MAP3K5: variants seen among roughly 807,000 people sequenced by gnomAD.
MAP3K5 encodes ASK-1.
A neutral mutation model predicts 158.7 loss-of-function variants in MAP3K5; 56 were observed. That is an observed-to-expected ratio of 0.35 (90% CI 0.28 to 0.44). The LOEUF (loss-of-function observed/expected upper bound fraction) is 0.44. MAP3K5 is among the 20% of genes least tolerant of loss of function. The probability of loss-of-function intolerance (pLI) is 1.00; values close to 1 mark genes in which losing one functional copy is unlikely to be tolerated. For synonymous variants in MAP3K5, 579 were observed against 601.7 expected (o/e 0.96, Z 0.55); for missense variants, 1,294 against 1,674.8 (o/e 0.77, Z 3.97).
At chr6:136,751,043 T>C (rs1374678296) in intron 1 of MAP3K5, among the ~76,000 whole-genome samples, 1 of 152,086 alleles carries the variant, frequency 6.6e-6, no homozygotes, top group Non-Finnish European at 1.5e-5. Context: ...GTTGTTTTTT[T>C]CCCCACTTTT....
In MAP3K5 at chr6:136,599,170, G is replaced by A. The variant is rs1449901562; in HGVS notation, c.2878+1852C>T. Reference sequence around the variant, plus strand: ...TAGGACTCCGTCTCAAAAAAAAAAGGGGGGGGGGGCGTGGATTTTAGCTCC... The same window carrying A: ...TAGGACTCCGTCTCAAAAAAAAAAGAGGGGGGGGGCGTGGATTTTAGCTCC... On this transcript the variant is annotated intron_variant, in intron 21 of 29. Transcript: ENST00000359015. Among the ~76,000 whole-genome samples the A allele has an allele frequency of 2.0e-3, 50 of 24,892 alleles. 1 individual carries two copies. Among genetic ancestry groups the A allele is most frequent in the African/African-American group, 0.013 (45 of 3,468 alleles). The allele number at this position is 24,892 out of a possible 152,430, so 16.3% of individuals were successfully genotyped here.
intron 14 of MAP3K5, among the ~76,000 whole-genome samples, chr6:136,625,039 G>C (rs1583292141): frequency 6.6e-6 from 1 of 152,134 alleles, no homozygotes; most frequent in East Asian, 1.9e-4. Context: ...GAAATGAAGA[G>C]GAAAGGAATA....
intron 1 of MAP3K5, among the ~76,000 whole-genome samples, chr6:136,721,224 TA>T (rs571915521): frequency 4.1e-3 from 556 of 135,950 alleles, no homozygotes; most frequent in Admixed American, 6.4e-3. Context: ...ATAAGGAAAT[TA>T]AAAAAAAAAA....
chr6:136,695,565 C>T (rs1354888211), intron 6 of MAP3K5, among the ~76,000 whole-genome samples: 2 of 152,216 alleles, frequency 1.3e-5, no homozygotes, highest in Non-Finnish European at 2.9e-5. Flanking sequence ...ACTATGTTCA[C>T]CTAGACATAA....
chr6:136,567,906 T>C lies in MAP3K5; in HGVS notation c.3518-32A>G, dbSNP rs147911318. ...GGCATAATATCAGTGGTAGTGTTTATAAAATATGACTCATTGCCTTAATTT... is the reference window on the plus strand; with the variant it reads ...GGCATAATATCAGTGGTAGTGTTTACAAAATATGACTCATTGCCTTAATTT... On this transcript the variant is annotated intron_variant, in intron 25 of 29. Coordinates refer to ENST00000359015, the MANE Select transcript of MAP3K5 (RefSeq NM_005923.4). The C allele has an allele frequency of 4.4e-6, 7 of 1,603,464 alleles. No homozygotes were observed. The Admixed American group carries it at 5.0e-5, about 12-fold the overall frequency.
intron 25 of MAP3K5, among the ~76,000 whole-genome samples, chr6:136,578,908 C>T (rs1469310165): frequency 1.3e-5 from 2 of 151,546 alleles, no homozygotes; most frequent in African/African-American, 2.4e-5. Flanking sequence ...CAGCAGCTCA[C>T]GCCTGTAATC....
intron 1 of MAP3K5, among the ~76,000 whole-genome samples, chr6:136,766,640 A>T (rs1056032274): frequency 3.9e-5 from 6 of 152,220 alleles, no homozygotes; most frequent in African/African-American, 1.2e-4. Flanking sequence ...TGTCAGTGTG[A>T]TCTCCAAATT....
chr6:136,672,864 C>A (rs1779541958), intron 7 of MAP3K5, among the ~76,000 whole-genome samples: 1 of 151,704 alleles, frequency 6.6e-6, no homozygotes, highest in Non-Finnish European at 1.5e-5. Flanking sequence ...GTGGTGTGTG[C>A]CCGCAGTCCC....
Position 136,792,066 on chromosome 6 carries a change from C to CTGCAGA in MAP3K5, c.86_91dup (p.Ile29_Cys30dup). On this transcript the variant is annotated inframe_insertion, in exon 1 of 30. Transcript: ENST00000359015. The surrounding 1 kb of genome is among the most constrained non-coding windows in gnomAD (Gnocchi z 5.7). ...GCCCACCGCCGCCGCTCCTCCCCTC[C>CTGCAGA]TGCAGATGCCGCCCTCGGGGATGGT... 1 of 1,567,862 alleles carries CTGCAGA rather than the reference C, an allele frequency of 6.4e-7. No homozygotes were observed.
intron 10 of MAP3K5, among the ~76,000 whole-genome samples, chr6:136,652,421 A>G (rs1369512007): frequency 6.6e-6 from 1 of 152,208 alleles, no homozygotes; most frequent in African/African-American, 2.4e-5. Flanking sequence ...TGACTCAGGA[A>G]CAAACTCACC....
intron 1 of MAP3K5, among the ~76,000 whole-genome samples, chr6:136,780,912 A>G (rs1784587290): frequency 6.6e-6 from 1 of 152,152 alleles, no homozygotes; most frequent in South Asian, 2.1e-4. Context: ...TTCCCATGCA[A>G]ACAGATACAC....
intron 2 of MAP3K5, among the ~76,000 whole-genome samples, chr6:136,714,880 A>G (rs990411159): frequency 2.0e-5 from 3 of 152,204 alleles, no homozygotes; most frequent in African/African-American, 7.2e-5. Flanking sequence ...CCCAATCTAG[A>G]AAATAATAGA....
chr6:136,601,179 T>C (rs1372215319), intron 20 of MAP3K5, 137 bp from the exon 21 acceptor site: 3 of 718,488 alleles, frequency 4.2e-6, no homozygotes, highest in South Asian at 3.6e-5. Context: ...TCTCCTCCAA[T>C]ATAAACATCA....
Position 136,713,215 on chromosome 6 carries a change from A to T in MAP3K5, c.588+7235T>A, listed in dbSNP as rs146214375. ...CAGAAGTAGTCCTTCTTACTCTTTA[A>T]GGGTATTCAAAATCATAGGCCTACG... is the stretch of plus-strand genomic sequence containing the variant. On this transcript the variant is annotated intron_variant, in intron 2 of 29. Coordinates refer to ENST00000359015, the MANE Select transcript of MAP3K5 (RefSeq NM_005923.4). 6.6e-3 allele frequency among the ~76,000 whole-genome samples: 1,000 copies of T among 152,288 alleles called. 5 individuals carry two copies. Among genetic ancestry groups the T allele is most frequent in the Non-Finnish European group, 0.01 (701 of 68,024 alleles).
chr6:136,760,996 CAG>C (rs1400241261), intron 1 of MAP3K5, among the ~76,000 whole-genome samples: 1 of 151,972 alleles, frequency 6.6e-6, no homozygotes, highest in Non-Finnish European at 1.5e-5. Context: ...AACAAAAAAC[CAG>C]AGAGAAGCTC....
chr6:136,597,765 T>A (rs1166974482), intron 21 of MAP3K5, among the ~76,000 whole-genome samples: 1 of 152,244 alleles, frequency 6.6e-6, no homozygotes. Context: ...AAAAATGTTA[T>A]GGAATAAATC....
At chr6:136,760,655 T>C (rs56259238) in intron 1 of MAP3K5, among the ~76,000 whole-genome samples, 7,786 of 152,250 alleles carry the variant, frequency 0.051, 667 homozygotes, top group African/African-American at 0.18. Context: ...GGAACCCTCA[T>C]GAATGGGATT....
At chr6:136,700,347 G>A (rs750483198) in intron 3 of MAP3K5, among the ~76,000 whole-genome samples, 14 of 152,230 alleles carry the variant, frequency 9.2e-5, no homozygotes, top group Admixed American at 8.5e-4. Flanking sequence ...AGACACGTGC[G>A]TGACTGAAGA....
At chr6:136,716,004 C>G (rs1238718987) in intron 2 of MAP3K5, among the ~76,000 whole-genome samples, 1 of 95,076 alleles carries the variant, frequency 1.1e-5, no homozygotes, top group African/African-American at 3.7e-5. Context: ...CACTCCAGCC[C>G]GGGTGACAAA....
Sources: gnomAD v4.1 joint callset for allele counts (sites outside exome capture counted in the v4.1 genomes callset) on GRCh38, gnomAD v4.1.1 for gene constraint, Gnocchi (gnomAD v3.1) non-coding constraint, MANE v1.5 for transcripts, NCBI Gene and HGNC (gene_info 2026-07-23, HGNC 2026-07-21) for gene names.